Variants in GALNT10 observed in about 807,000 individuals in gnomAD.
GALNT10 encodes the protein GalNAc transferase 10.
GALNT10 carries 41 observed loss-of-function variants against 75.0 expected under a neutral mutation model. That is an observed-to-expected ratio of 0.55 (90% confidence interval 0.43 to 0.71). The LOEUF is 0.71. Among genes scored for constraint, GALNT10 ranks in the 30% least tolerant of loss-of-function variants. GALNT10 has a pLI of 0.00. For synonymous variants in GALNT10, 302 were observed against 313.0 expected (o/e 0.96, Z 0.37); for missense variants, 727 against 818.5 (o/e 0.89, Z 1.36).
At chr5:154,359,954 T>A (rs1232828155) in intron 4 of GALNT10, among the ~76,000 whole-genome samples, 1 of 152,038 alleles carries the variant, frequency 6.6e-6, no homozygotes, top group Non-Finnish European at 1.5e-5. Context: ...TTAATGTGCA[T>A]ATTCTATAAT....
At chr5:154,233,686 C>T (rs1334073760) in intron 1 of GALNT10, among the ~76,000 whole-genome samples, 1 of 152,178 alleles carries the variant, frequency 6.6e-6, no homozygotes, top group Non-Finnish European at 1.5e-5. Context: ...ACAGTTATTC[C>T]ACAGCACATG....
At chr5:154,283,465 T>A (rs1204374670) in intron 1 of GALNT10, among the ~76,000 whole-genome samples, 3 of 151,644 alleles carry the variant, frequency 2.0e-5, no homozygotes, top group African/African-American at 4.8e-5. Flanking sequence ...TTAAAAAAAA[T>A]AAATAAATAA....
chr5:154,296,782 G>A (rs572706328), intron 2 of GALNT10, among the ~76,000 whole-genome samples: 1 of 152,142 alleles, frequency 6.6e-6, no homozygotes, highest in Non-Finnish European at 1.5e-5. Context: ...TTCCCTCCCT[G>A]AGCAAACACT....
rs114234922 is a variant in GALNT10 at position 154,403,851 on chromosome 5, T to C, written c.1057-253T>C. ...ACTACCTACTTTATAGGTTTTCTGATGAGGCTTAAGTGTGGTTGTGCATGT... is the reference window on the plus strand; with the variant it reads ...ACTACCTACTTTATAGGTTTTCTGACGAGGCTTAAGTGTGGTTGTGCATGT... On this transcript the variant is annotated intron_variant, in intron 7 of 11. Coordinates refer to ENST00000297107, the MANE Select transcript of GALNT10 (RefSeq NM_198321.4). 8.1e-4 allele frequency: 411 copies of C among 506,968 alleles called. 1 individual carries two copies. Among genetic ancestry groups the C allele is most frequent in the African/African-American group, 7.3e-3 (369 of 50,424 alleles). 31.4% of individuals were successfully genotyped at this position (506,968 alleles called of 1,614,324 possible). A position where few individuals can be genotyped will look rare whatever the true frequency, so the allele number is the denominator to read the frequency against.
chr5:154,304,076 A>G (rs1754396571), intron 3 of GALNT10, among the ~76,000 whole-genome samples: 1 of 152,232 alleles, frequency 6.6e-6, no homozygotes. Flanking sequence ...GAAAAAAAAG[A>G]TTAATGAACT....
Position 154,230,322 on chromosome 5 carries a change from G to C in GALNT10, c.159+39297G>C, listed in dbSNP as rs189665654. On this transcript the variant is annotated intron_variant, in intron 1 of 11. Coordinates refer to ENST00000297107, the MANE Select transcript of GALNT10 (RefSeq NM_198321.4). ...TATCAAGTCATTTGGGGAATACTAA[G>C]TTTAAAAGAAAACCTAAGTTCCTGT... Among the ~76,000 whole-genome samples the C allele has an allele frequency of 2.0e-5, 3 of 152,272 alleles. No homozygotes were observed. The East Asian group carries it at 5.8e-4, about 29-fold the overall frequency.
At chr5:154,394,077 G>C (rs922316525) in intron 7 of GALNT10, among the ~76,000 whole-genome samples, 5 of 152,118 alleles carry the variant, frequency 3.3e-5, no homozygotes, top group African/African-American at 1.2e-4. Context: ...AATGGAGATT[G>C]GTCTGAGGGT....
At chr5:154,250,588 A>G (rs577410081) in intron 1 of GALNT10, among the ~76,000 whole-genome samples, 1 of 152,176 alleles carries the variant, frequency 6.6e-6, no homozygotes. Context: ...AGTTCCAGAC[A>G]TCACACATAG....
At chr5:154,333,926 A>G (rs1188164893) in intron 4 of GALNT10, among the ~76,000 whole-genome samples, 2 of 152,256 alleles carry the variant, frequency 1.3e-5, no homozygotes, top group Non-Finnish European at 2.9e-5. Context: ...CTTTGGAAGA[A>G]AACTTACTCA....
In GALNT10 at chr5:154,409,409, G is replaced by C. The variant is rs553217682; in HGVS notation, c.1165-132G>C. 2.7e-6 allele frequency: 2 copies of C among 753,624 alleles called. No individual in the cohort carries two copies. Among genetic ancestry groups the C allele is most frequent in the East Asian group, 2.4e-5 (1 of 40,888 alleles). The allele number at this position is 753,624 out of a possible 1,614,324, so 46.7% of individuals were successfully genotyped here. ...AGAAACACAGAAGGCCTAAACTCACGGTGGGGCTGGGATTTTTGATGGAAC... is the reference window on the plus strand; with the variant it reads ...AGAAACACAGAAGGCCTAAACTCACCGTGGGGCTGGGATTTTTGATGGAAC... On this transcript the variant is annotated intron_variant, in intron 8 of 11. Transcript: ENST00000297107. The surrounding 1 kb of genome is among the most constrained non-coding windows in gnomAD (Gnocchi z 4.5).
chr5:154,215,987 T>C (rs924223475), intron 1 of GALNT10, among the ~76,000 whole-genome samples: 6 of 152,212 alleles, frequency 3.9e-5, no homozygotes, highest in African/African-American at 1.4e-4. Context: ...GCAGTAATTG[T>C]TACCTTCTCT....
At chr5:154,191,149 T>G in intron 1 of GALNT10, 124 bp downstream of exon 1, 12 of 638,322 alleles carry the variant, frequency 1.9e-5, no homozygotes, top group Non-Finnish European at 2.5e-5. Context: ...TCTTCAGCTC[T>G]TCCCATTTTC....
intron 1 of GALNT10, among the ~76,000 whole-genome samples, chr5:154,289,184 A>G (rs1241907418): frequency 6.6e-6 from 1 of 152,192 alleles, no homozygotes; most frequent in Non-Finnish European, 1.5e-5. Flanking sequence ...GCTCACCTTT[A>G]CTAGGAGAGG....
At chr5:154,274,701 G>C (rs1472076045) in intron 1 of GALNT10, among the ~76,000 whole-genome samples, 1 of 152,054 alleles carries the variant, frequency 6.6e-6, no homozygotes, top group African/African-American at 2.4e-5. Flanking sequence ...GCAAATTGGT[G>C]GCCTGCTAGA....
At chr5:154,229,696 G>A (rs1753118365) in intron 1 of GALNT10, among the ~76,000 whole-genome samples, 1 of 151,994 alleles carries the variant, frequency 6.6e-6, no homozygotes, top group Non-Finnish European at 1.5e-5. Flanking sequence ...ATGCGCCACT[G>A]TACTCCAGCC....
At chr5:154,315,511 T>C (rs1754583193) in intron 3 of GALNT10, among the ~76,000 whole-genome samples, 1 of 152,224 alleles carries the variant, frequency 6.6e-6, no homozygotes, top group African/African-American at 2.4e-5. Flanking sequence ...CTCTGTCTGC[T>C]CCCCTCATTA....
chr5:154,248,602 A>T (rs1038987984), intron 1 of GALNT10, among the ~76,000 whole-genome samples: 1 of 152,084 alleles, frequency 6.6e-6, no homozygotes, highest in Non-Finnish European at 1.5e-5. Flanking sequence ...TTGCATAGAG[A>T]TGTTTATAGT....
chr5:154,233,112 TA>T (rs904213982), intron 1 of GALNT10, among the ~76,000 whole-genome samples: 40 of 152,146 alleles, frequency 2.6e-4, no homozygotes, highest in Admixed American at 1.3e-3. Flanking sequence ...AAGATTGTTA[TA>T]AAAAAATTTT....
intron 4 of GALNT10, among the ~76,000 whole-genome samples, chr5:154,345,150 C>T (rs949782516): frequency 2.6e-5 from 4 of 152,076 alleles, no homozygotes; most frequent in South Asian, 2.1e-4. Context: ...CCTCCCCCCA[C>T]CCCCACATAT....
Sources: allele counts gnomAD v4.1 joint callset (sites outside exome capture counted in the v4.1 genomes callset), GRCh38; gene constraint gnomAD v4.1.1; non-coding constraint Gnocchi (gnomAD v3.1); transcripts MANE v1.5; gene names NCBI Gene and HGNC (gene_info 2026-07-23, HGNC 2026-07-21).